QSER1: variants seen among roughly 807,000 people sequenced by gnomAD.
QSER1 encodes the protein glutamine and serine-rich protein 1.
QSER1 carries 49 observed loss-of-function variants against 158.5 expected under a neutral mutation model. The observed-to-expected ratio is 0.31, with a 90% confidence interval of 0.25 to 0.39. The LOEUF (loss-of-function observed/expected upper bound fraction) is 0.39, where lower values mean the gene tolerates loss of function less well. QSER1 is among the 10% of genes least tolerant of loss of function. The probability of loss-of-function intolerance (pLI) is 1.00; values close to 1 mark genes in which losing one functional copy is unlikely to be tolerated. For missense variants in QSER1, 1,754 were observed against 2,010.3 expected (o/e 0.87, Z 2.44); for synonymous variants, 650 against 715.5 (o/e 0.91, Z 1.46).
chr11:32,927,532 C>T (rs1056865276), intron 2 of QSER1, among the ~76,000 whole-genome samples: 3 of 152,084 alleles, frequency 2.0e-5, no homozygotes, highest in African/African-American at 4.8e-5. Flanking sequence ...TTCAGCCTCC[C>T]GAGTAGCTGG....
In QSER1 at chr11:32,934,150, C is replaced by T; in HGVS notation, c.2892C>T (p.Phe964=). The change falls in exon 4 of 13, where the codon TTC becomes TTT. Residue 964 remains phenylalanine, a synonymous_variant. Transcript: ENST00000650167. ...NQFVSLGSMC[F]PEAVLLSDER... is the part of the protein sequence containing the mutation. ...TTGTTTCTCTTGGATCGATGTGTTTCCCAGAGGCAGTGCTTCTTAGTGATG... is the reference window on the plus strand; with the variant it reads ...TTGTTTCTCTTGGATCGATGTGTTTTCCAGAGGCAGTGCTTCTTAGTGATG... 1 of 1,614,008 alleles carries T rather than the reference C, an allele frequency of 6.2e-7. No homozygotes were observed.
Position 32,976,785 on chromosome 11 carries a change from A to ATT in QSER1, c.*319_*320dup. 4.5e-6 allele frequency: 1 copy of ATT among 221,534 alleles called. No homozygotes were observed. The allele number at this position is 221,534 out of a possible 1,614,324, so 13.7% of individuals were successfully genotyped here. A position where few individuals can be genotyped will look rare whatever the true frequency, so the allele number is the denominator to read the frequency against. On this transcript the variant is annotated 3_prime_UTR_variant, in exon 13 of 13. Coordinates refer to ENST00000650167, the MANE Select transcript of QSER1 (RefSeq NM_001076786.3). ...AATGATGAAGCATGCACTAAGTATA[A>ATT]TTTTTTTTTATTGCTAGAGAAGTAA... is the stretch of plus-strand genomic sequence containing the variant.
rs763646772 is a variant in QSER1 at position 32,932,714 on chromosome 11, C to G, written c.1456C>G (p.His486Asp). The G allele has an allele frequency of 1.2e-6, 2 of 1,614,142 alleles. No individual in the cohort carries two copies. Among genetic ancestry groups the G allele is most frequent in the South Asian group, 2.2e-5 (2 of 91,072 alleles). ...GCCACATAATGTGCCATCTATTGTT[C>G]ATTCACAGGTTTATAGGTCCAGCAA... is the stretch of plus-strand genomic sequence containing the variant. ...VQPHNVPSIV[H>D]SQVYRSSKVE... Residue 486 changes from histidine to aspartate, a missense_variant, in exon 4 of 13, where the codon CAT becomes GAT. Physicochemically the swap from His to Asp is moderately conservative, Grantham distance 81 (BLOSUM62 -1). Coordinates refer to ENST00000650167, the MANE Select transcript of QSER1 (RefSeq NM_001076786.3).
chr11:32,894,611 G>C (rs1486700407), intron 1 of QSER1, among the ~76,000 whole-genome samples: 1 of 152,194 alleles, frequency 6.6e-6, no homozygotes, highest in East Asian at 1.9e-4. Context: ...AGGGTAGCTG[G>C]TCTTTGTCTT....
At chr11:32,971,754 G>A (rs1313199181) in intron 10 of QSER1, among the ~76,000 whole-genome samples, 1 of 152,072 alleles carries the variant, frequency 6.6e-6, no homozygotes, top group Admixed American at 6.6e-5. Flanking sequence ...AATTTAGGTT[G>A]CCTGTTTTTA....
intron 1 of QSER1, among the ~76,000 whole-genome samples, chr11:32,908,524 A>G (rs1321175122): frequency 6.6e-6 from 1 of 152,192 alleles, no homozygotes; most frequent in East Asian, 1.9e-4. Flanking sequence ...GACCTTTCTT[A>G]GTGAAAACAA....
intron 4 of QSER1, among the ~76,000 whole-genome samples, chr11:32,948,508 C>T (rs1441200540): frequency 2.0e-5 from 3 of 152,106 alleles, no homozygotes; most frequent in East Asian, 1.9e-4. Context: ...ATGTGCCTGT[C>T]GTCCTAGCTA....
chr11:32,924,409 A>C (rs1851939855), intron 1 of QSER1, among the ~76,000 whole-genome samples: 1 of 151,924 alleles, frequency 6.6e-6, no homozygotes, highest in African/African-American at 2.4e-5. Flanking sequence ...CTCTACAAAA[A>C]GTTAGCTGGT....
At chr11:32,914,899 G>A (rs1338165797) in intron 1 of QSER1, among the ~76,000 whole-genome samples, 1 of 152,032 alleles carries the variant, frequency 6.6e-6, no homozygotes, top group Non-Finnish European at 1.5e-5. Flanking sequence ...ACTAATCTTT[G>A]TTGGTTTGTT....
chr11:32,975,313 G>A lies in QSER1; in HGVS notation c.5424G>A (p.Lys1808=). Residue 1808 remains lysine, a synonymous_variant, in exon 12 of 13, where the codon AAG becomes AAA. Coordinates refer to ENST00000650167, the MANE Select transcript of QSER1 (RefSeq NM_001076786.3). Reference sequence around the variant, plus strand: ...TGTATCATTCACTCCATCATTATAAGTACCATGTTTATCTGATATGTAAGG... The same window carrying A: ...TGTATCATTCACTCCATCATTATAAATACCATGTTTATCTGATATGTAAGG... ...YSLYHSLHHY[K]YHVYLICKDE... The A allele has an allele frequency of 6.3e-7, 1 of 1,596,272 alleles. No individual in the cohort carries two copies. The highest frequency in any genetic ancestry group is 1.1e-5 in the South Asian group (1 of 90,588).
intron 5 of QSER1, among the ~76,000 whole-genome samples, chr11:32,954,836 C>T (rs908782607): frequency 6.6e-6 from 1 of 152,168 alleles, no homozygotes; most frequent in African/African-American, 2.4e-5. Flanking sequence ...CCACTGCATA[C>T]AGCCACTTTT....
At chr11:32,908,025 A>T (rs1453186690) in intron 1 of QSER1, among the ~76,000 whole-genome samples, 1 of 152,192 alleles carries the variant, frequency 6.6e-6, no homozygotes, top group Non-Finnish European at 1.5e-5. Context: ...ATTTGAGCCC[A>T]GGAAGTCAAG....
intron 4 of QSER1, among the ~76,000 whole-genome samples, chr11:32,945,143 A>G (rs1852308048): frequency 1.5e-5 from 2 of 129,330 alleles, no homozygotes; most frequent in Non-Finnish European, 3.3e-5. Flanking sequence ...TGCACGTGAG[A>G]TGGGTTTCCT....
chr11:32,931,703 G>A (rs1334490202), intron 3 of QSER1, 40 bp from the exon 4 acceptor site: 1 of 1,437,782 alleles, frequency 7.0e-7, no homozygotes, highest in South Asian at 1.3e-5. Context: ...AAGTAATTGT[G>A]CCATAATTAC....
At chr11:32,910,066 T>G (rs1464283693) in intron 1 of QSER1, among the ~76,000 whole-genome samples, 1 of 152,228 alleles carries the variant, frequency 6.6e-6, no homozygotes, top group Non-Finnish European at 1.5e-5. Context: ...GATCTCCTAC[T>G]GCTCACCCAC....
chr11:32,933,558 C>T lies in QSER1; in HGVS notation c.2300C>T (p.Ser767Leu). ...ASKKEESVVG[S>L]VTQLNQQIGQ... Reference sequence around the variant, plus strand: ...AAAAAAGAAGAAAGTGTTGTTGGTTCAGTGACACAACTTAACCAACAAATT... The same window carrying T: ...AAAAAAGAAGAAAGTGTTGTTGGTTTAGTGACACAACTTAACCAACAAATT... The change falls in exon 4 of 13, where the codon TCA becomes TTA. Residue 767 changes from serine (S) to leucine (L), a missense_variant. Physicochemically the swap from Ser to Leu is moderately radical, Grantham distance 145. Coordinates refer to ENST00000650167, the MANE Select transcript of QSER1 (RefSeq NM_001076786.3). 6.2e-7 allele frequency: 1 copy of T among 1,613,904 alleles called. No individual in the cohort carries two copies. The highest frequency in any genetic ancestry group is 8.5e-7 in the Non-Finnish European group (1 of 1,179,930).
Position 32,934,728 on chromosome 11 carries a change from G to C in QSER1, c.3470G>C (p.Gly1157Ala), listed in dbSNP as rs201526834. 1.2e-5 allele frequency: 19 copies of C among 1,613,756 alleles called. No homozygotes were observed. The highest frequency in any genetic ancestry group is 1.4e-5 in the Non-Finnish European group (17 of 1,179,862). The change falls in exon 4 of 13, where the codon GGG (glycine) becomes GCG (alanine). Residue 1157 changes from glycine (G) to alanine (A), a missense_variant. Gly to Ala is a moderately conservative substitution (Grantham distance 60). Transcript: ENST00000650167. ...ACATCAGAGAGTGAATTTACCTTAG[G>C]GGGTGACGACAGTGGTGTGTCAATG... ...NATSESEFTL[G>A]GDDSGVSMNP... is the part of the protein sequence containing the mutation.
intron 3 of QSER1, among the ~76,000 whole-genome samples, chr11:32,929,906 C>CT (rs1852023217): frequency 6.6e-6 from 1 of 152,214 alleles, no homozygotes; most frequent in Admixed American, 6.5e-5. Flanking sequence ...AAGCTCCTTA[C>CT]TACCACTTTA....
intron 8 of QSER1, among the ~76,000 whole-genome samples, chr11:32,963,048 T>C (rs1009584612): frequency 6.6e-6 from 1 of 152,252 alleles, no homozygotes; most frequent in Non-Finnish European, 1.5e-5. Flanking sequence ...AAGTGCTTTA[T>C]GTGTACCTGC....
Sources: allele counts gnomAD v4.1 joint callset (sites outside exome capture counted in the v4.1 genomes callset), GRCh38; gene constraint gnomAD v4.1.1; transcripts MANE v1.5; gene names NCBI Gene and HGNC (gene_info 2026-07-23, HGNC 2026-07-21).